PYY: variants seen among roughly 807,000 people sequenced by gnomAD.
The protein encoded by PYY is peptide YY, also known as peptide tyrosine tyrosine.
PYY carries 12 observed loss-of-function variants against 10.3 expected under a neutral mutation model. That is an observed-to-expected ratio of 1.17 (90% confidence interval 0.75 to 1.89). The LOEUF is 1.89. PYY is among the 40% of genes most tolerant of loss of function. PYY has a pLI of 0.00. For synonymous variants in PYY, 66 were observed against 62.0 expected, an observed-to-expected ratio of 1.06 and a Z score of -0.30; for missense variants, 141 against 134.0, an observed-to-expected ratio of 1.05 and a Z score of -0.26.
chr17:43,969,515 CAAAAAAAA>C (rs71361552), intron 1 of PYY, among the ~76,000 whole-genome samples: 1 of 90,454 alleles, frequency 1.1e-5, no homozygotes, highest in Non-Finnish European at 2.1e-5. Flanking sequence ...GACTCTGTCT[CAAAAAAAA>C]AAAAAAAAAA....
intron 1 of PYY, among the ~76,000 whole-genome samples, chr17:43,993,237 G>T (rs1380871214): frequency 6.6e-6 from 1 of 152,042 alleles, no homozygotes; most frequent in Non-Finnish European, 1.5e-5. Flanking sequence ...AAGGCGGGTG[G>T]ATCACGAGGT....
At chr17:43,984,105 G>A (rs2048900668) in intron 1 of PYY, among the ~76,000 whole-genome samples, 4 of 152,224 alleles carry the variant, frequency 2.6e-5, no homozygotes, top group Admixed American at 2.6e-4. Flanking sequence ...AACCGAGGGG[G>A]CGGCGGGGCG....
At chr17:43,976,600 C>T (rs924270292) in intron 1 of PYY, among the ~76,000 whole-genome samples, 9 of 151,866 alleles carry the variant, frequency 5.9e-5, no homozygotes, top group African/African-American at 2.2e-4. Context: ...GGTGAAACCC[C>T]ATCTCTACTA....
At chr17:43,954,319 G>A (rs1225457462), upstream of PYY, among the ~76,000 whole-genome samples, 1 of 152,140 alleles carries the variant, frequency 6.6e-6, no homozygotes, top group Non-Finnish European at 1.5e-5. Flanking sequence ...GGGGGTGGGA[G>A]GGTGGACACA....
At chr17:43,977,613 G>A (rs1429744661) in intron 1 of PYY, among the ~76,000 whole-genome samples, 1 of 152,008 alleles carries the variant, frequency 6.6e-6, no homozygotes, top group Non-Finnish European at 1.5e-5. Flanking sequence ...ACTTTCTCCT[G>A]CTTACCTTCA....
chr17:43,987,998 C>G lies in PYY; in HGVS notation c.-463+16393G>C, dbSNP rs1567935779. Among the ~76,000 whole-genome samples, 3 of 152,176 alleles carry G rather than the reference C, an allele frequency of 2.0e-5. No homozygotes were observed. Among genetic ancestry groups the G allele is most frequent in the East Asian group, 1.9e-4 (1 of 5,186 alleles). ...CTGCATCCCTCCTAATTCAGACCAA[C>G]ATGGTCTACTGGACCATCACCTCCA... is the stretch of plus-strand genomic sequence containing the variant. On this transcript the variant is annotated intron_variant, in intron 1 of 6. Coordinates refer to the PYY transcript ENST00000360085. This position sits in a 1 kb window ranked among gnomAD's most constrained non-coding sequence, Gnocchi z 4.0.
At chr17:43,966,436 A>C (rs2048756427) in exon 2 of PYY, 1 of 152,522 alleles carries the variant, frequency 6.6e-6, no homozygotes, top group East Asian at 1.9e-4. Flanking sequence ...CTGAAGAAGG[A>C]GCATGCAGTT....
chr17:43,965,045 CTG>C (rs2048744833), intron 2 of PYY, among the ~76,000 whole-genome samples: 1 of 152,244 alleles, frequency 6.6e-6, no homozygotes, highest in Non-Finnish European at 1.5e-5. Flanking sequence ...TTGGAAATCT[CTG>C]TTTACAGAAA....
intron 1 of PYY, among the ~76,000 whole-genome samples, chr17:43,976,237 G>GTA (rs1268152686): frequency 7.8e-6 from 1 of 127,912 alleles, no homozygotes; most frequent in Non-Finnish European, 1.6e-5. Flanking sequence ...ATACATATGC[G>GTA]TATATATACA....
At chr17:43,968,978 T>C (rs1567929576) in intron 1 of PYY, among the ~76,000 whole-genome samples, 1 of 151,078 alleles carries the variant, frequency 6.6e-6, no homozygotes, top group Non-Finnish European at 1.5e-5. Context: ...CATGGGGGCA[T>C]GCGCCTGTAG....
chr17:43,965,214 C>T (rs567268513), intron 2 of PYY, among the ~76,000 whole-genome samples: 1 of 152,034 alleles, frequency 6.6e-6, no homozygotes, highest in East Asian at 1.9e-4. Context: ...GGCATAGTGG[C>T]TCACACCTGT....
chr17:43,975,420 T>C (rs1337752197), intron 1 of PYY, among the ~76,000 whole-genome samples: 2 of 151,894 alleles, frequency 1.3e-5, no homozygotes, highest in African/African-American at 2.4e-5. Context: ...AATTAAACAG[T>C]GGGTAGGCTG....
chr17:43,984,401 C>T (rs367841672), intron 1 of PYY, among the ~76,000 whole-genome samples: 10 of 152,316 alleles, frequency 6.6e-5, no homozygotes, highest in African/African-American at 2.4e-4. Context: ...TCGACACCAC[C>T]CATAATAACC....
At chr17:43,965,830 AG>A (rs2048752662) in intron 2 of PYY, among the ~76,000 whole-genome samples, 1 of 150,700 alleles carries the variant, frequency 6.6e-6, no homozygotes, top group Non-Finnish European at 1.5e-5. Context: ...GAGAGAAACA[AG>A]TAAAATTATA....
chr17:43,955,533 A>G (rs2048666123), upstream of PYY, among the ~76,000 whole-genome samples: 1 of 152,140 alleles, frequency 6.6e-6, no homozygotes. Context: ...TGCCCTGCTG[A>G]GCATGGGGGT....
At chr17:43,962,290 G>A (rs2143901877) in intron 2 of PYY, among the ~76,000 whole-genome samples, 1 of 152,078 alleles carries the variant, frequency 6.6e-6, no homozygotes, top group Non-Finnish European at 1.5e-5. Flanking sequence ...AATGCCAAAT[G>A]GAAATGTAAA....
At chr17:44,000,422 T>G (rs149093558) in intron 1 of PYY, among the ~76,000 whole-genome samples, 1 of 152,250 alleles carries the variant, frequency 6.6e-6, no homozygotes, top group Non-Finnish European at 1.5e-5. Context: ...AGGTCTGTGC[T>G]ACTCTGGGTG....
Position 43,968,098 on chromosome 17 carries a change from T to C in PYY, c.-462-1566A>G, listed in dbSNP as rs958692149. On this transcript the variant is annotated intron_variant, in intron 1 of 6. Coordinates refer to the PYY transcript ENST00000360085. ...AAATCTTTCCCTCTCCGATCAAGAG[T>C]TGTGGGCCAGGGGCTGTGGATCATG... is the stretch of plus-strand genomic sequence containing the variant. Among the ~76,000 whole-genome samples the C allele has an allele frequency of 2.0e-5, 3 of 151,920 alleles. No homozygotes were observed. In the South Asian group the frequency reaches 6.2e-4, roughly 32 times the overall value.
chr17:43,954,150 G>C (rs574075667), upstream of PYY, among the ~76,000 whole-genome samples: 37 of 152,274 alleles, frequency 2.4e-4, no homozygotes, highest in African/African-American at 8.2e-4. Context: ...GGTCTCACTG[G>C]ATGGGGTACC....
Sources: allele counts gnomAD v4.1 joint callset (sites outside exome capture counted in the v4.1 genomes callset), GRCh38; gene constraint gnomAD v4.1.1; non-coding constraint Gnocchi (gnomAD v3.1); transcripts MANE v1.5; gene names NCBI Gene and HGNC (gene_info 2026-07-23, HGNC 2026-07-21).